SBNO1: variants seen among roughly 807,000 people sequenced by gnomAD.
SBNO1 encodes the protein protein strawberry notch homolog 1.
In SBNO1, 23 loss-of-function variants were observed where a neutral mutation model predicts 173.6. The ratio of observed to expected loss-of-function variants is 0.13; its 90% CI spans 0.10 to 0.19. SBNO1 has a LOEUF of 0.19. SBNO1 is among the 10% of genes least tolerant of loss of function. The pLI, the probability that SBNO1 is intolerant of heterozygous loss-of-function variation, is 1.00. For missense variants in SBNO1, 1,238 were observed against 1,671.2 expected, an observed-to-expected ratio of 0.74 and a Z score of 4.52; for synonymous variants, 632 against 571.5, an observed-to-expected ratio of 1.11 and a Z score of -1.51.
chr12:123,340,245 G>T lies in SBNO1; in HGVS notation c.651+743C>A, dbSNP rs543892681. On this transcript the variant is annotated intron_variant, in intron 5 of 31. Coordinates refer to ENST00000602398, the MANE Select transcript of SBNO1 (RefSeq NM_001167856.3). ...GGAGAATTTATTAAATAAATGTATG[G>T]AATCAATTGATCCAAAGCATACAGC... 1.2e-4 allele frequency among the ~76,000 whole-genome samples: 18 copies of T among 152,166 alleles called. No individual in the cohort carries two copies. The South Asian group carries it at 2.5e-3, about 21-fold the overall frequency.
chr12:123,325,490 C>T lies in SBNO1; in HGVS notation c.1973+12G>A, dbSNP rs1195103599. ...AAAAGAAACAAAAACATTAAAAGAA[C>T]AAAAACATTACTTGGCAGTTGAAAC... On this transcript the variant is annotated intron_variant, in intron 15 of 31. Transcript: ENST00000602398. 12 of 1,578,370 alleles carry T rather than the reference C, an allele frequency of 7.6e-6. No individual in the cohort carries two copies. Among genetic ancestry groups the T allele is most frequent in the African/African-American group, 1.3e-5 (1 of 74,230 alleles).
chr12:123,299,848 G>C (rs1219262911), intron 30 of SBNO1, among the ~76,000 whole-genome samples: 2 of 151,986 alleles, frequency 1.3e-5, no homozygotes, highest in East Asian at 1.9e-4. Context: ...AAAGAAAAAA[G>C]ATCCTGAGAG....
intron 13 of SBNO1, 36 bp from the exon 14 acceptor site, chr12:123,326,370 C>CT: frequency 7.1e-7 from 1 of 1,405,200 alleles, no homozygotes; most frequent in South Asian, 1.4e-5. Context: ...GACACTTCAT[C>CT]TTTGAGTCTA....
At chr12:123,363,306 G>A (rs1875608855) in intron 1 of SBNO1, among the ~76,000 whole-genome samples, 1 of 152,052 alleles carries the variant, frequency 6.6e-6, no homozygotes, top group Non-Finnish European at 1.5e-5. Flanking sequence ...TCTGTGCAAC[G>A]ATGATAGCTT....
chr12:123,297,472 A>C (rs898808000), intron 31 of SBNO1, among the ~76,000 whole-genome samples: 1 of 142,686 alleles, frequency 7.0e-6, no homozygotes, highest in African/African-American at 2.5e-5. Flanking sequence ...AATCCGTGGT[A>C]GAGGAAGGCT....
intron 1 of SBNO1, among the ~76,000 whole-genome samples, chr12:123,352,318 C>T (rs1357380559): frequency 6.6e-6 from 1 of 152,168 alleles, no homozygotes; most frequent in Admixed American, 6.5e-5. Context: ...GCCAAGAGTA[C>T]GATCAGCATG....
chr12:123,326,904 G>A (rs1489510101), intron 13 of SBNO1, among the ~76,000 whole-genome samples: 1 of 152,124 alleles, frequency 6.6e-6, no homozygotes, highest in Non-Finnish European at 1.5e-5. Flanking sequence ...TCCAGTCTGG[G>A]TGACAGAGTA....
At chr12:123,322,938 C>T (rs905980251) in intron 16 of SBNO1, among the ~76,000 whole-genome samples, 3 of 151,772 alleles carry the variant, frequency 2.0e-5, no homozygotes, top group Non-Finnish European at 4.4e-5. Context: ...ACTGAAACAC[C>T]CAGCTGTCTA....
Position 123,289,453 on chromosome 12 carries a change from T to TA in SBNO1, c.*6454dup, listed in dbSNP as rs1479609563. 1.3e-5 allele frequency: 2 copies of TA among 152,210 alleles called. No individual in the cohort carries two copies. Among genetic ancestry groups the TA allele is most frequent in the Admixed American group, 1.3e-4 (2 of 15,276 alleles). 9.4% of individuals were successfully genotyped at this position (152,210 alleles called of 1,614,324 possible). Reference sequence around the variant, plus strand: ...CAGGAGCGATAACAAAAGGGAGATTTAAAAAAGAGAACCAAATGAAAACAC... The same window carrying TA: ...CAGGAGCGATAACAAAAGGGAGATTTAAAAAAAGAGAACCAAATGAAAACAC... On this transcript the variant is annotated 3_prime_UTR_variant, in exon 32 of 32. Transcript: ENST00000602398.
At chr12:123,336,241 T>C (rs1871830545) in intron 6 of SBNO1, among the ~76,000 whole-genome samples, 154 bp downstream of exon 6, 1 of 152,088 alleles carries the variant, frequency 6.6e-6, no homozygotes, top group Non-Finnish European at 1.5e-5. Context: ...ATGAACAAAA[T>C]TAAAATAAAA....
intron 16 of SBNO1, 143 bp from the exon 17 acceptor site, chr12:123,321,875 A>G (rs763322197): frequency 7.5e-6 from 5 of 667,350 alleles, no homozygotes; most frequent in Non-Finnish European, 1.3e-5. Flanking sequence ...AACAGAATTC[A>G]CAAACCAGCA....
intron 19 of SBNO1, 134 bp from the exon 20 acceptor site, chr12:123,320,165 A>T (rs746524194): frequency 9.7e-6 from 10 of 1,027,386 alleles, no homozygotes; most frequent in Non-Finnish European, 1.4e-5. Context: ...GATACAGAAC[A>T]CTGCAACAGA....
At chr12:123,297,723 A>C (rs2048656417) in intron 31 of SBNO1, among the ~76,000 whole-genome samples, 1 of 152,148 alleles carries the variant, frequency 6.6e-6, no homozygotes, top group African/African-American at 2.4e-5. Flanking sequence ...AGCCACCAAG[A>C]GTAGAGAAGG....
At chr12:123,332,787 T>C (rs552549578) in intron 7 of SBNO1, among the ~76,000 whole-genome samples, 2 of 152,082 alleles carry the variant, frequency 1.3e-5, no homozygotes, top group East Asian at 3.9e-4. Flanking sequence ...GGCTGGTCTC[T>C]AACTCCTGAC....
intron 1 of SBNO1, among the ~76,000 whole-genome samples, chr12:123,363,445 C>G (rs927702414): frequency 2.4e-4 from 36 of 152,182 alleles, no homozygotes; most frequent in African/African-American, 8.7e-4. Context: ...CTCCGGATGA[C>G]AGTTCTCTGC....
chr12:123,333,156 G>C (rs1052553845), intron 7 of SBNO1, among the ~76,000 whole-genome samples: 2 of 151,982 alleles, frequency 1.3e-5, no homozygotes, highest in Non-Finnish European at 2.9e-5. Flanking sequence ...GATTACAGGC[G>C]TGAGCCACCA....
At chr12:123,345,050 G>C (rs1025085806) in intron 4 of SBNO1, among the ~76,000 whole-genome samples, 1 of 152,164 alleles carries the variant, frequency 6.6e-6, no homozygotes, top group African/African-American at 2.4e-5. Flanking sequence ...GATGATCCTA[G>C]AAATCACATT....
chr12:123,311,700 C>CTA (rs1868534760), intron 24 of SBNO1, among the ~76,000 whole-genome samples: 1 of 58,404 alleles, frequency 1.7e-5, no homozygotes, highest in African/African-American at 6.3e-5. Flanking sequence ...ACCTATCTAT[C>CTA]TATCTATCTA....
At position 123,348,089 on chromosome 12, in the gene SBNO1, T is replaced by C. The variant is rs1873425956; in HGVS notation, c.177A>G (p.Ala59=). ...CTGGTTCTTGTTTAACAGGAACTGC[T>C]GCTTCGGTCTCCAAACCTAGTTCTA... ...SALELGLETE[A]AVPVKQEPET... The change falls in exon 3 of 32, where the codon GCA becomes GCG. Residue 59 remains alanine, a synonymous_variant. Transcript: ENST00000602398. 4 of 1,612,248 alleles carry C rather than the reference T, an allele frequency of 2.5e-6. No individual in the cohort carries two copies. The highest frequency in any genetic ancestry group is 1.3e-5 in the African/African-American group (1 of 75,038).
Sources: allele counts gnomAD v4.1 joint callset (sites outside exome capture counted in the v4.1 genomes callset), GRCh38; gene constraint gnomAD v4.1.1; transcripts MANE v1.5; gene names NCBI Gene and HGNC (gene_info 2026-07-23, HGNC 2026-07-21).